Variants in TJP3 observed in about 807,000 individuals in gnomAD.
The protein encoded by TJP3 is tight junction protein 3.
In TJP3, 85 loss-of-function variants were observed where a neutral mutation model predicts 104.2. The observed-to-expected ratio is 0.82, with a 90% CI of 0.68 to 0.98. The LOEUF is 0.98. TJP3 is among the 50% of genes least tolerant of loss of function. The pLI, the probability that TJP3 is intolerant of heterozygous loss-of-function variation, is 0.00. For missense variants in TJP3, 1,367 were observed against 1,322.8 expected, an observed-to-expected ratio of 1.03 and a Z score of -0.52; for synonymous variants, 550 against 550.6, an observed-to-expected ratio of 1.00 and a Z score of 0.02.
chr19:3,740,906 C>T (rs1038071800), intron 14 of TJP3, 143 bp downstream of exon 14: 103 of 742,010 alleles, frequency 1.4e-4, no homozygotes, highest in South Asian at 7.0e-4. Context: ...TTTGGGAGGC[C>T]GAGGTAGGAG....
In TJP3 at chr19:3,746,234, C is replaced by T. The variant is rs539090182; in HGVS notation, c.2010+153C>T. Among the ~76,000 whole-genome samples the T allele has an allele frequency of 6.6e-6, 1 of 152,014 alleles. No homozygotes were observed. The highest frequency in any genetic ancestry group is 2.4e-5 in the African/African-American group (1 of 41,358). ...TGGAGGCTTTGTGAGGCAGGAGGCC[C>T]GAGACAGACAAGGGCTTCTCGGAGT... On this transcript the variant is annotated intron_variant, in intron 16 of 20. Coordinates refer to ENST00000541714, the MANE Select transcript of TJP3 (RefSeq NM_001267560.2). The surrounding 1 kb of genome is among the most constrained non-coding windows in gnomAD (Gnocchi z 4.1).
chr19:3,723,812 T>TA (rs2036568646), intron 1 of TJP3, among the ~76,000 whole-genome samples: 13 of 86,540 alleles, frequency 1.5e-4, no homozygotes, highest in Non-Finnish European at 3.4e-4. Flanking sequence ...AAAAAAAATA[T>TA]ATATATATAT....
rs762269689 is a variant in TJP3 at position 3,728,643 on chromosome 19, C to T, written c.88C>T (p.Arg30Ter). Residue 30 changes from arginine (R) to a stop codon, truncating the protein, a stop_gained, in exon 3 of 21, where the codon CGA becomes TGA. Coordinates refer to ENST00000541714, the MANE Select transcript of TJP3 (RefSeq NM_001267560.2). LOFTEE classifies it high-confidence loss of function. Reference sequence around the variant, plus strand: ...CTTTGGCATTGCGATCTCTGGAGGCCGAGACCGGCCCGGTGGATCCATGGT... The same window carrying T: ...CTTTGGCATTGCGATCTCTGGAGGCTGAGACCGGCCCGGTGGATCCATGGT... ...RGFGIAISGG[R>*]DRPGGSMVVS... 16 of 1,613,576 alleles carry T rather than the reference C, an allele frequency of 9.9e-6. No individual in the cohort carries two copies. The highest frequency in any genetic ancestry group is 1.6e-4 in the Middle Eastern group (1 of 6,080).
At chr19:3,734,549 T>A (rs2036715032) in intron 8 of TJP3, 114 bp downstream of exon 8, 2 of 921,544 alleles carry the variant, frequency 2.2e-6, no homozygotes, top group Non-Finnish European at 3.2e-6. Context: ...CGCAGTCCTG[T>A]ATTTCTAGCA....
intron 1 of TJP3, among the ~76,000 whole-genome samples, chr19:3,712,055 C>T (rs971666862): frequency 3.3e-5 from 5 of 152,106 alleles, no homozygotes; most frequent in African/African-American, 1.2e-4. Flanking sequence ...GTGGCTCACG[C>T]CTGTAATCCC....
intron 1 of TJP3, among the ~76,000 whole-genome samples, chr19:3,710,655 G>C (rs2036425372): frequency 6.6e-6 from 1 of 152,198 alleles, no homozygotes; most frequent in South Asian, 2.1e-4. Context: ...ATTGAGGTTA[G>C]CGGAAGCCTA....
At chr19:3,725,634 G>C (rs2036588177) in intron 1 of TJP3, among the ~76,000 whole-genome samples, 1 of 149,648 alleles carries the variant, frequency 6.7e-6, no homozygotes, top group Non-Finnish European at 1.5e-5. Context: ...GGAGGTTGCA[G>C]TGAGCCGAGA....
intron 1 of TJP3, among the ~76,000 whole-genome samples, chr19:3,715,065 G>T (rs548548707): frequency 6.6e-6 from 1 of 150,452 alleles, no homozygotes; most frequent in Non-Finnish European, 1.5e-5. Context: ...AGAAAACCAG[G>T]TTTTTTGTTT....
At chr19:3,729,939 G>A in intron 3 of TJP3, 89 bp from the exon 4 acceptor site, 1 of 1,018,818 alleles carries the variant, frequency 9.8e-7, no homozygotes, top group Non-Finnish European at 1.6e-6. Context: ...AGATCTGGAG[G>A]TTCCAGGGGC....
intron 18 of TJP3, among the ~76,000 whole-genome samples, chr19:3,747,355 C>G (rs901413108): frequency 5.3e-5 from 8 of 152,080 alleles, no homozygotes; most frequent in Admixed American, 3.9e-4. Context: ...GCCACCGCGC[C>G]CAGCCTGGAG....
chr19:3,712,944 T>A (rs1270562027), intron 1 of TJP3, among the ~76,000 whole-genome samples: 2 of 95,218 alleles, frequency 2.1e-5, no homozygotes, highest in Non-Finnish European at 4.2e-5. Context: ...AGCAAGACTC[T>A]GTCTCAAAAA....
rs77647239 is a variant in TJP3 at position 3,746,219 on chromosome 19, G to C, written c.2010+138G>C. On this transcript the variant is annotated intron_variant, in intron 16 of 20. Transcript: ENST00000541714. The surrounding 1 kb of genome is among the most constrained non-coding windows in gnomAD (Gnocchi z 4.1). ...CCATAGAGCCCCTTTTGGAGGCTTT[G>C]TGAGGCAGGAGGCCCGAGACAGACA... is the stretch of plus-strand genomic sequence containing the variant. 61,873 of 947,442 alleles carry C rather than the reference G, an allele frequency of 0.065. 2,514 individuals carry two copies. Among genetic ancestry groups the C allele is most frequent in the East Asian group, 0.12 (4,388 of 37,856 alleles). 58.7% of individuals were successfully genotyped at this position (947,442 alleles called of 1,614,324 possible).
intron 11 of TJP3, among the ~76,000 whole-genome samples, chr19:3,737,324 A>G (rs186826744): frequency 3.9e-4 from 60 of 152,036 alleles, no homozygotes; most frequent in African/African-American, 1.3e-3. Context: ...CTGGGTCGCA[A>G]TCCTCTTGTT....
At position 3,714,855 on chromosome 19, in the gene TJP3, C is replaced by T. The variant is rs539961029; in HGVS notation, c.-10+6294C>T. Among the ~76,000 whole-genome samples, 4 of 152,250 alleles carry T rather than the reference C, an allele frequency of 2.6e-5. No individual in the cohort carries two copies. The South Asian group carries it at 8.3e-4, about 32-fold the overall frequency. On this transcript the variant is annotated intron_variant, in intron 1 of 20. Coordinates refer to ENST00000541714, the MANE Select transcript of TJP3 (RefSeq NM_001267560.2). The stretch of plus-strand genomic sequence containing the variant: ...ACCTTCCCTGGGTCCTCCTGTCCCT[C>T]ACCCTGCTCAGATCACACTGGCCCT...
At position 3,747,799 on chromosome 19, in the gene TJP3, T is replaced by A. The variant is rs1203912183; in HGVS notation, c.2328T>A (p.Asp776Glu). The A allele has an allele frequency of 4.4e-6, 7 of 1,588,574 alleles. No homozygotes were observed. The highest frequency in any genetic ancestry group is 6.0e-6 in the Non-Finnish European group (7 of 1,169,822). The change falls in exon 19 of 21, where the codon GAT becomes GAA. Residue 776 changes from aspartate to glutamate, a missense_variant. By Grantham distance (45) the Asp-to-Glu change is conservative. Coordinates refer to ENST00000541714, the MANE Select transcript of TJP3 (RefSeq NM_001267560.2). Reference sequence around the variant, plus strand: ...CATCCACACCCACCCCACAGCTGGATGGCTCCTTGGAGGACAACCTAGACC... The same window carrying A: ...CATCCACACCCACCCCACAGCTGGAAGGCTCCTTGGAGGACAACCTAGACC... ...RPIWTAEDQL[D>E]GSLEDNLDLP...
intron 1 of TJP3, among the ~76,000 whole-genome samples, chr19:3,723,813 A>T (rs2036568629): frequency 1.2e-5 from 1 of 81,620 alleles, no homozygotes; most frequent in African/African-American, 4.3e-5. Context: ...AAAAAAATAT[A>T]TATATATATA....
chr19:3,720,878 CCCTTCTTT>C (rs1391923460), intron 1 of TJP3, among the ~76,000 whole-genome samples: 2 of 150,380 alleles, frequency 1.3e-5, no homozygotes, highest in Admixed American at 6.7e-5. Flanking sequence ...TTCCTTCCTT[CCCTTCTTT>C]CCTTCCTTCC....
At chr19:3,745,515 G>T (rs2036875600) in intron 15 of TJP3, among the ~76,000 whole-genome samples, 1 of 152,136 alleles carries the variant, frequency 6.6e-6, no homozygotes, top group African/African-American at 2.4e-5. Context: ...ACCCCTCCAT[G>T]CCAGGCTATG....
intron 9 of TJP3, 86 bp from the exon 10 acceptor site, chr19:3,735,783 C>A: frequency 6.3e-7 from 1 of 1,590,828 alleles, no homozygotes; most frequent in Non-Finnish European, 8.6e-7. Flanking sequence ...GGGTGACAGT[C>A]CTTCCAGGAT....
Sources: gnomAD v4.1 joint callset for allele counts (sites outside exome capture counted in the v4.1 genomes callset) on GRCh38, gnomAD v4.1.1 for gene constraint, Gnocchi (gnomAD v3.1) non-coding constraint, MANE v1.5 for transcripts, NCBI Gene and HGNC (gene_info 2026-07-23, HGNC 2026-07-21) for gene names.